SDK1: variants seen among roughly 807,000 people sequenced by gnomAD.
The protein encoded by SDK1 is sidekick cell adhesion molecule 1.
A neutral mutation model predicts 245.5 loss-of-function variants in SDK1; 157 were observed. The observed-to-expected ratio is 0.64, with a 90% confidence interval of 0.56 to 0.73. SDK1 has a LOEUF of 0.73. Ranked by LOEUF, SDK1 falls within the 30% of genes least tolerant of loss-of-function variation. The pLI, the probability that SDK1 is intolerant of heterozygous loss-of-function variation, is 0.00. For synonymous variants in SDK1, 1,647 were observed against 1,278.5 expected (o/e 1.29, Z -6.15); for missense variants, 3,583 against 3,002.3 (o/e 1.19, Z -4.52).
intron 2 of SDK1, among the ~76,000 whole-genome samples, chr7:3,634,994 G>A (rs1405900320): frequency 6.6e-6 from 1 of 152,174 alleles, no homozygotes; most frequent in Non-Finnish European, 1.5e-5. Flanking sequence ...TCTTTGTAAT[G>A]TTTCAAATAC....
At chr7:4,111,898 G>A (rs1406531571) in intron 23 of SDK1, among the ~76,000 whole-genome samples, 1 of 152,224 alleles carries the variant, frequency 6.6e-6, no homozygotes, top group African/African-American at 2.4e-5. Flanking sequence ...AGATTTTAGA[G>A]AACATTGAAC....
chr7:3,821,688 G>C (rs1779650040), intron 5 of SDK1, 105 bp downstream of exon 5: 1 of 1,255,428 alleles, frequency 8.0e-7, no homozygotes, highest in Admixed American at 2.1e-5. Flanking sequence ...TCTCTCTCTA[G>C]TGTAGTAGTT....
rs1296960434 is a variant in SDK1, at chr7:3,967,418, C to T, written c.1530C>T (p.Ala510=). ...AGGTGTCCGGGGCTCCCAAACCCGC[C>T]ATCACCTGGAAAAGAGGTGGGTAGC... is the stretch of plus-strand genomic sequence containing the variant. ...RCEVSGAPKP[A]ITWKRENHIL... Residue 510 remains alanine, a synonymous_variant, in exon 10 of 45, where the codon GCC becomes GCT. Coordinates refer to ENST00000404826, the MANE Select transcript of SDK1 (RefSeq NM_152744.4). The T allele has an allele frequency of 3.1e-6, 5 of 1,612,786 alleles. No homozygotes were observed. The highest frequency in any genetic ancestry group is 1.7e-5 in the Admixed American group (1 of 60,024).
intron 28 of SDK1, among the ~76,000 whole-genome samples, chr7:4,143,724 A>G (rs866670831): frequency 3.7e-4 from 57 of 152,310 alleles, no homozygotes; most frequent in African/African-American, 1.3e-3. Context: ...CTTTGCTCAC[A>G]GATCGGCATG....
intron 17 of SDK1, among the ~76,000 whole-genome samples, chr7:4,048,375 G>A (rs942594197): frequency 2.0e-5 from 3 of 152,082 alleles, no homozygotes; most frequent in Middle Eastern, 3.2e-3. Flanking sequence ...TGCCCTTTCC[G>A]GAAGGCCTTC....
At chr7:4,130,853 G>A (rs1451907860) in intron 27 of SDK1, among the ~76,000 whole-genome samples, 3 of 152,130 alleles carry the variant, frequency 2.0e-5, no homozygotes, top group Admixed American at 6.5e-5. Flanking sequence ...CCTGGGGATC[G>A]GAGTGGCTGA....
At chr7:3,789,773 A>T (rs942419853) in intron 4 of SDK1, among the ~76,000 whole-genome samples, 6 of 152,162 alleles carry the variant, frequency 3.9e-5, no homozygotes, top group Admixed American at 3.9e-4. Context: ...TGTAGATGAG[A>T]TGGCTTGTGA....
chr7:3,604,112 G>A (rs36199379), intron 1 of SDK1, among the ~76,000 whole-genome samples: 10,511 of 152,132 alleles, frequency 0.069, 441 homozygotes, highest in East Asian at 0.17. Flanking sequence ...TTTTTGCATC[G>A]ATGTTCATCA....
rs935330855 is a variant in SDK1, at chr7:3,356,603, G to T, written c.298+54719G>T. Among the ~76,000 whole-genome samples the T allele has an allele frequency of 2.6e-5, 4 of 152,172 alleles. No homozygotes were observed. The South Asian group carries it at 8.3e-4, about 32-fold the overall frequency. ...AAGATAATTTTATCTGACCAAGAAAGTAGGTATAGAACTAAGTGTGTTGTC... is the reference window on the plus strand; with the variant it reads ...AAGATAATTTTATCTGACCAAGAAATTAGGTATAGAACTAAGTGTGTTGTC... On this transcript the variant is annotated intron_variant, in intron 1 of 44. Transcript: ENST00000404826.
At chr7:3,935,795 A>G (rs368864) in intron 5 of SDK1, among the ~76,000 whole-genome samples, 120,952 of 152,234 alleles carry the variant, frequency 0.79, 48,846 homozygotes, top group East Asian at 0.99. Context: ...CTGCTAGGAG[A>G]AATGTATGAC....
intron 4 of SDK1, among the ~76,000 whole-genome samples, chr7:3,805,589 C>G (rs188602925): frequency 1.3e-5 from 2 of 152,294 alleles, no homozygotes; most frequent in African/African-American, 2.4e-5. Flanking sequence ...TAGCAGTTCC[C>G]CCAGTGGAGA....
At chr7:3,795,957 C>T (rs895541169) in intron 4 of SDK1, among the ~76,000 whole-genome samples, 2 of 152,190 alleles carry the variant, frequency 1.3e-5, no homozygotes, top group Non-Finnish European at 2.9e-5. Context: ...CACACACAGA[C>T]ATCATGAGAG....
At position 4,268,910 on chromosome 7, in the gene SDK1, C is replaced by A; in HGVS notation, c.*3526C>A. ...TCTGAAATTGTGCAGAAAAACAGAT[C>A]TCATTAAAAGAAAAAAAGAAACAAC... On this transcript the variant is annotated 3_prime_UTR_variant, in exon 45 of 45. Coordinates refer to ENST00000404826, the MANE Select transcript of SDK1 (RefSeq NM_152744.4). The A allele has an allele frequency of 2.6e-6, 1 of 381,190 alleles. No individual in the cohort carries two copies. The highest frequency in any genetic ancestry group is 5.1e-6 in the Non-Finnish European group (1 of 196,296). 23.6% of individuals were successfully genotyped at this position (381,190 alleles called of 1,614,324 possible).
chr7:3,403,831 A>ATATATG lies in SDK1; in HGVS notation c.298+101952_298+101953insGTATAT, dbSNP rs1392178330. On this transcript the variant is annotated intron_variant, in intron 1 of 44. Transcript: ENST00000404826. ...GGGATTTGAAATATCTTACATATATATATATATATATATATATATATATAT... is the reference window on the plus strand; with the variant it reads ...GGGATTTGAAATATCTTACATATATATATATGTATATATATATATATATATATATAT... 1.9e-4 allele frequency among the ~76,000 whole-genome samples: 7 copies of ATATATG among 36,450 alleles called. No individual in the cohort carries two copies. The East Asian group carries it at 4.6e-3, about 24-fold the overall frequency. 23.9% of individuals were successfully genotyped at this position (36,450 alleles called of 152,430 possible).
At chr7:3,649,495 C>T (rs1782942729) in intron 4 of SDK1, among the ~76,000 whole-genome samples, 1 of 151,970 alleles carries the variant, frequency 6.6e-6, no homozygotes, top group Admixed American at 6.6e-5. Flanking sequence ...TAGAATTTCA[C>T]ACAAATGACA....
chr7:3,775,900 T>A (rs544031565), intron 4 of SDK1, among the ~76,000 whole-genome samples: 9 of 152,258 alleles, frequency 5.9e-5, no homozygotes, highest in South Asian at 4.1e-4. Context: ...ATGAAAAAAT[T>A]ATTTGATAAA....
chr7:3,691,664 C>T (rs192858621), intron 4 of SDK1, among the ~76,000 whole-genome samples: 70 of 152,228 alleles, frequency 4.6e-4, no homozygotes, highest in Middle Eastern at 6.8e-3. Context: ...CCTCTTGTGA[C>T]CTTGGTTGCA....
intron 1 of SDK1, among the ~76,000 whole-genome samples, chr7:3,597,686 G>T (rs1156822375): frequency 1.3e-5 from 2 of 152,124 alleles, no homozygotes; most frequent in East Asian, 3.9e-4. Context: ...GGTCTGTCGG[G>T]GCCTAGGGGA....
At position 4,245,659 on chromosome 7, in the gene SDK1, A is replaced by C; in HGVS notation, c.6252-17A>C. 6.2e-7 allele frequency: 1 copy of C among 1,612,824 alleles called. No homozygotes were observed. Among genetic ancestry groups the C allele is most frequent in the Non-Finnish European group, 8.5e-7 (1 of 1,179,172 alleles). Reference sequence around the variant, plus strand: ...CTTTTGCCCAGAGGGTAATTGCAGCATGGGTCCTCATCCTAGGTCCCCACC... The same window carrying C: ...CTTTTGCCCAGAGGGTAATTGCAGCCTGGGTCCTCATCCTAGGTCCCCACC... On this transcript the variant is annotated splice_polypyrimidine_tract_variant and intron_variant, in intron 43 of 44. Transcript: ENST00000404826.
Sources: gnomAD v4.1 joint callset for allele counts (sites outside exome capture counted in the v4.1 genomes callset) on GRCh38, gnomAD v4.1.1 for gene constraint, MANE v1.5 for transcripts, NCBI Gene and HGNC (gene_info 2026-07-23, HGNC 2026-07-21) for gene names.